Variants in C1QTNF3 observed in about 807,000 individuals in gnomAD.
C1QTNF3 encodes the protein complement C1q tumor necrosis factor-related protein 3.
In C1QTNF3, 26 loss-of-function variants were observed where a neutral mutation model predicts 32.6. The ratio of observed to expected loss-of-function variants is 0.80; its 90% CI spans 0.58 to 1.11. C1QTNF3 has a LOEUF of 1.11. C1QTNF3 is among the 50% of genes least tolerant of loss of function. The pLI is 0.00. For synonymous variants in C1QTNF3, 155 were observed against 146.0 expected (o/e 1.06, Z -0.44); for missense variants, 362 against 398.2 (o/e 0.91, Z 0.77).
the C1QTNF3 span, among the ~76,000 whole-genome samples, chr5:34,238,521 T>A: frequency 6.6e-6 from 1 of 151,950 alleles, no homozygotes; most frequent in Non-Finnish European, 1.5e-5. Context: ...TAGGCCAAGC[T>A]AAGGAAAGAA....
At chr5:34,178,015 C>G in the C1QTNF3 span, among the ~76,000 whole-genome samples, 1 of 150,120 alleles carries the variant, frequency 6.7e-6, no homozygotes, top group Non-Finnish European at 1.5e-5. Context: ...GCCTGTAATT[C>G]CAGCACTTTG....
At chr5:34,158,082 T>G in the C1QTNF3 span, 1 of 151,112 alleles carries the variant, frequency 6.6e-6, no homozygotes, top group Non-Finnish European at 1.5e-5. Context: ...AAGAGCATAC[T>G]AAATCTGGGC....
chr5:34,207,910 C>T, the C1QTNF3 span, among the ~76,000 whole-genome samples: 444 of 152,068 alleles, frequency 2.9e-3, 4 homozygotes, highest in African/African-American at 0.01. Context: ...GCCTCAGCCT[C>T]CCGAGTAGAT....
At chr5:34,239,048 T>C in the C1QTNF3 span, among the ~76,000 whole-genome samples, 1 of 152,114 alleles carries the variant, frequency 6.6e-6, no homozygotes, top group Non-Finnish European at 1.5e-5. Flanking sequence ...AAACTAAACT[T>C]CCTAAGTGAA....
At chr5:34,023,637 T>C (rs1472021416) in intron 5 of C1QTNF3, among the ~76,000 whole-genome samples, 1 of 151,874 alleles carries the variant, frequency 6.6e-6, no homozygotes, top group Non-Finnish European at 1.5e-5. Flanking sequence ...AAATAATGAG[T>C]TATAAAAATA....
At chr5:34,227,798 G>C in the C1QTNF3 span, among the ~76,000 whole-genome samples, 2 of 151,754 alleles carry the variant, frequency 1.3e-5, no homozygotes, top group African/African-American at 4.8e-5. Context: ...GCTAAAATTG[G>C]TAAGTATATC....
the C1QTNF3 span, among the ~76,000 whole-genome samples, chr5:34,234,313 C>A: frequency 3.3e-5 from 5 of 152,086 alleles, no homozygotes; most frequent in Non-Finnish European, 7.4e-5. Flanking sequence ...AAAAATAATT[C>A]AAGTTAATGA....
the C1QTNF3 span, among the ~76,000 whole-genome samples, chr5:34,213,809 A>ATATATAT: frequency 2.0e-4 from 1 of 4,938 alleles, no homozygotes; most frequent in African/African-American, 3.9e-4. Flanking sequence ...ATATATATAT[A>ATATATAT]TTTTTTTTTT....
the C1QTNF3 span, among the ~76,000 whole-genome samples, chr5:34,126,971 T>C: frequency 6.6e-6 from 1 of 152,182 alleles, no homozygotes; most frequent in African/African-American, 2.4e-5. Flanking sequence ...ATCTGATTAT[T>C]TGAATGTGTG....
the C1QTNF3 span, among the ~76,000 whole-genome samples, chr5:34,132,435 G>GTATATATATATATATATA: frequency 1.3e-3 from 174 of 137,590 alleles, no homozygotes; most frequent in African/African-American, 3.6e-3. Context: ...GTATGTGTAT[G>GTATATATATATATATATA]TATATATATA....
chr5:34,076,935 C>T, the C1QTNF3 span, among the ~76,000 whole-genome samples: 28 of 151,640 alleles, frequency 1.8e-4, no homozygotes, highest in Non-Finnish European at 2.5e-4. Context: ...GCAAGATTCA[C>T]ATACTGTGAT....
At chr5:34,125,887 C>T in the C1QTNF3 span, among the ~76,000 whole-genome samples, 4 of 152,194 alleles carry the variant, frequency 2.6e-5, no homozygotes, top group Admixed American at 2.0e-4. Flanking sequence ...TTATTATAGG[C>T]TTTTTCCACA....
chr5:34,172,429 C>T, the C1QTNF3 span, among the ~76,000 whole-genome samples: 11 of 111,414 alleles, frequency 9.9e-5, no homozygotes, highest in East Asian at 2.8e-3. Context: ...AGCCATGTAC[C>T]CGGGGTTGGG....
the C1QTNF3 span, among the ~76,000 whole-genome samples, chr5:34,240,951 G>A: frequency 6.6e-6 from 1 of 152,246 alleles, no homozygotes; most frequent in Middle Eastern, 3.4e-3. Context: ...TTCCTGGGAT[G>A]CATGGCTGGT....
chr5:34,041,654 A>G (rs1754873925), intron 1 of C1QTNF3, among the ~76,000 whole-genome samples: 1 of 152,158 alleles, frequency 6.6e-6, no homozygotes, highest in Non-Finnish European at 1.5e-5. Context: ...AAAAGATAGG[A>G]TCATATTTAG....
upstream of C1QTNF3, among the ~76,000 whole-genome samples, chr5:34,046,869 A>C (rs974944977): frequency 6.6e-6 from 1 of 152,232 alleles, no homozygotes; most frequent in African/African-American, 2.4e-5. Flanking sequence ...ATGGGCAGTA[A>C]GTAGAAAACT....
chr5:34,123,584 G>A, the C1QTNF3 span, among the ~76,000 whole-genome samples: 1 of 149,486 alleles, frequency 6.7e-6, no homozygotes, highest in Non-Finnish European at 1.5e-5. Flanking sequence ...CAATGATTAT[G>A]TTGTACTCCC....
chr5:34,125,102 C>G, the C1QTNF3 span, among the ~76,000 whole-genome samples: 3 of 152,100 alleles, frequency 2.0e-5, no homozygotes, highest in Admixed American at 2.0e-4. Flanking sequence ...TTTAAAGCCA[C>G]AAAAGGTGGA....
intron 2 of C1QTNF3, 104 bp from the exon 3 acceptor site, chr5:34,033,562 G>C (rs549499599): frequency 3.0e-4 from 431 of 1,417,330 alleles, no homozygotes; most frequent in Non-Finnish European, 4.1e-4. Flanking sequence ...GGACCATTCA[G>C]AATAATCCCA....
Sources: gnomAD v4.1 joint callset for allele counts (sites outside exome capture counted in the v4.1 genomes callset) on GRCh38, gnomAD v4.1.1 for gene constraint, MANE v1.5 for transcripts, NCBI Gene and HGNC (gene_info 2026-07-23, HGNC 2026-07-21) for gene names.